Variants in DNAAF11 observed in about 807,000 individuals in gnomAD.
The protein encoded by DNAAF11 is leucine rich repeat containing 6.
DNAAF11 carries 45 observed loss-of-function variants against 60.8 expected under a neutral mutation model. The ratio of observed to expected loss-of-function variants is 0.74; its 90% CI spans 0.58 to 0.95. DNAAF11 has a LOEUF of 0.95. Ranked by LOEUF, DNAAF11 falls within the 40% of genes least tolerant of loss-of-function variation. The pLI is 0.00. For missense variants in DNAAF11, 546 were observed against 546.2 expected (o/e 1.00, Z 0.00); for synonymous variants, 191 against 183.5 (o/e 1.04, Z -0.33).
chr8:132,584,664 C>G (rs975784276), intron 10 of DNAAF11, among the ~76,000 whole-genome samples: 1 of 152,154 alleles, frequency 6.6e-6, no homozygotes, highest in African/African-American at 2.4e-5. Context: ...CCTCTCTACC[C>G]TCACCAGGTC....
chr8:132,702,471 C>T, the DNAAF11 span, among the ~76,000 whole-genome samples: 1 of 152,128 alleles, frequency 6.6e-6, no homozygotes, highest in African/African-American at 2.4e-5. Context: ...TAAGCCTCAG[C>T]CCACAGTTAG....
At chr8:132,636,052 G>A (rs1208801996) in intron 4 of DNAAF11, among the ~76,000 whole-genome samples, 1 of 151,696 alleles carries the variant, frequency 6.6e-6, no homozygotes, top group Non-Finnish European at 1.5e-5. Flanking sequence ...ATACATTTCT[G>A]TTGTCTAAGC....
In DNAAF11 at chr8:132,585,795, T is replaced by C. The variant is rs184095607; in HGVS notation, c.1141-2016A>G. Among the ~76,000 whole-genome samples, 264 of 152,344 alleles carry C rather than the reference T, an allele frequency of 1.7e-3. 1 individual carries two copies. The highest frequency in any genetic ancestry group is 2.6e-3 in the Non-Finnish European group (177 of 68,014). ...ATGTTGTATTTTCTAGGTTTTAAAA[T>C]AGACAATGTAATTTTATTGCTTTCC... On this transcript the variant is annotated intron_variant, in intron 10 of 11. Coordinates refer to ENST00000620350, the MANE Select transcript of DNAAF11 (RefSeq NM_012472.6).
chr8:132,699,803 C>T, the DNAAF11 span, among the ~76,000 whole-genome samples: 67 of 152,218 alleles, frequency 4.4e-4, no homozygotes, highest in African/African-American at 1.6e-3. Flanking sequence ...AGATGTGAGT[C>T]GGATAAACAT....
intron 1 of DNAAF11, among the ~76,000 whole-genome samples, chr8:132,673,949 G>T (rs1001167641): frequency 6.6e-6 from 1 of 152,098 alleles, no homozygotes; most frequent in Non-Finnish European, 1.5e-5. Flanking sequence ...AAGTGGGCAC[G>T]ACTCAGAGAA....
At chr8:132,640,955 C>A (rs981922651) in intron 3 of DNAAF11, among the ~76,000 whole-genome samples, 1 of 152,074 alleles carries the variant, frequency 6.6e-6, no homozygotes, top group South Asian at 2.1e-4. Flanking sequence ...AAACCTGGGA[C>A]ACTTTGATCA....
intron 5 of DNAAF11, among the ~76,000 whole-genome samples, chr8:132,626,753 T>C (rs1422021196): frequency 1.3e-5 from 2 of 152,142 alleles, no homozygotes; most frequent in African/African-American, 4.8e-5. Flanking sequence ...ATGAAAAAAA[T>C]TACATGAAGC....
At chr8:132,685,488 A>T in the DNAAF11 span, among the ~76,000 whole-genome samples, 1 of 152,192 alleles carries the variant, frequency 6.6e-6, no homozygotes, top group Non-Finnish European at 1.5e-5. Context: ...TGTTTACTTC[A>T]CTGTCAGTCG....
the DNAAF11 span, among the ~76,000 whole-genome samples, chr8:132,691,405 T>C: frequency 1.1e-4 from 17 of 152,318 alleles, no homozygotes; most frequent in East Asian, 3.1e-3. Context: ...CAGGCTCATC[T>C]TGTATGTTTC....
chr8:132,637,423 T>C (rs1268799963), intron 4 of DNAAF11, among the ~76,000 whole-genome samples: 1 of 152,046 alleles, frequency 6.6e-6, no homozygotes, highest in Non-Finnish European at 1.5e-5. Flanking sequence ...CTGGCCAACA[T>C]GGTGAAACCA....
the DNAAF11 span, among the ~76,000 whole-genome samples, chr8:132,689,881 AT>A: frequency 5.9e-5 from 9 of 151,774 alleles, no homozygotes; most frequent in East Asian, 9.7e-4. Context: ...TCCTGTGAAT[AT>A]TTTTTTTCCT....
the DNAAF11 span, among the ~76,000 whole-genome samples, chr8:132,696,400 A>G: frequency 1.3e-5 from 2 of 152,142 alleles, no homozygotes; most frequent in Admixed American, 6.5e-5. Context: ...TTTTTAAGTT[A>G]AGCACAAATT....
intron 8 of DNAAF11, among the ~76,000 whole-genome samples, chr8:132,612,240 C>T (rs886107066): frequency 3.3e-5 from 5 of 152,096 alleles, no homozygotes; most frequent in Admixed American, 3.3e-4. Flanking sequence ...TAGGAAGGAA[C>T]ATGTATAGTG....
At position 132,611,311 on chromosome 8, in the gene DNAAF11, CT is replaced by C; in HGVS notation, c.1026del (p.Val343Ter). ...CTACTTACCTTTCCTTTGATCATTA[CT>C]CGCACGTAAGTTGGTTGCACATCAA... ...IDVDVQPTYV[R>X]VMIKGKPFQL... On this transcript the variant is annotated frameshift_variant, in exon 9 of 12. Coordinates refer to ENST00000620350, the MANE Select transcript of DNAAF11 (RefSeq NM_012472.6). LOFTEE classifies it high-confidence loss of function. The C allele has an allele frequency of 6.2e-7, 1 of 1,611,846 alleles. No homozygotes were observed. Among genetic ancestry groups the C allele is most frequent in the Non-Finnish European group, 8.5e-7 (1 of 1,178,160 alleles).
chr8:132,689,398 G>A, the DNAAF11 span, among the ~76,000 whole-genome samples: 7 of 152,012 alleles, frequency 4.6e-5, no homozygotes, highest in African/African-American at 1.7e-4. Context: ...TTTGTTTATT[G>A]ACTTTAACCA....
chr8:132,663,912 T>C (rs11990913), intron 1 of DNAAF11, among the ~76,000 whole-genome samples: 6,117 of 152,122 alleles, frequency 0.04, 334 homozygotes, highest in African/African-American at 0.12. Context: ...TAGGCTGGAG[T>C]GTCCATGCTC....
At chr8:132,680,477 C>A (rs917122773), upstream of DNAAF11, among the ~76,000 whole-genome samples, 3 of 151,876 alleles carry the variant, frequency 2.0e-5, no homozygotes, top group African/African-American at 4.8e-5. Context: ...CAATTTAGTT[C>A]TTTTTATTTT....
intron 10 of DNAAF11, among the ~76,000 whole-genome samples, chr8:132,595,667 C>T (rs1430624467): frequency 6.6e-6 from 1 of 152,114 alleles, no homozygotes; most frequent in Non-Finnish European, 1.5e-5. Context: ...AATGTTTATC[C>T]AGATAGTGGG....
chr8:132,620,207 C>T lies in DNAAF11; in HGVS notation c.914+2404G>A, dbSNP rs1819614519. ...AGGTGAATGGTCTCCTCCAGCCACA[C>T]AGGAGGACCAGCCCAAGAGTGGGTA... On this transcript the variant is annotated intron_variant, in intron 7 of 11. Transcript: ENST00000620350. Among the ~76,000 whole-genome samples the T allele has an allele frequency of 2.6e-5, 4 of 152,070 alleles. No individual in the cohort carries two copies. In the South Asian group the frequency reaches 8.3e-4, roughly 32 times the overall value.
Sources: allele counts gnomAD v4.1 joint callset (sites outside exome capture counted in the v4.1 genomes callset), GRCh38; gene constraint gnomAD v4.1.1; transcripts MANE v1.5; gene names NCBI Gene and HGNC (gene_info 2026-07-23, HGNC 2026-07-21).